The following ZNF536 variants were observed in gnomAD, a reference collection of about 807,000 sequenced individuals.
ZNF536 encodes zinc finger protein 536.
Under a neutral mutation model 84.5 loss-of-function variants are expected in ZNF536, and 13 were observed. The ratio of observed to expected loss-of-function variants is 0.15; its 90% CI spans 0.10 to 0.24. The LOEUF is 0.24. Ranked by LOEUF, ZNF536 falls within the 10% of genes least tolerant of loss-of-function variation. The pLI is 1.00. For missense variants in ZNF536, 1,536 were observed against 1,747.5 expected, an observed-to-expected ratio of 0.88 and a Z score of 2.16; for synonymous variants, 811 against 742.5, an observed-to-expected ratio of 1.09 and a Z score of -1.50.
chr19:30,685,688 T>C (rs541217919), intron 1 of ZNF536, among the ~76,000 whole-genome samples: 4 of 152,238 alleles, frequency 2.6e-5, no homozygotes, highest in East Asian at 1.9e-4. Context: ...TCTGTCACTA[T>C]AGTACTGTAT....
At chr19:30,385,060 T>C (rs2049282264) in intron 1 of ZNF536, among the ~76,000 whole-genome samples, 1 of 151,888 alleles carries the variant, frequency 6.6e-6, no homozygotes, top group Non-Finnish European at 1.5e-5. Flanking sequence ...CAGCTCCACC[T>C]CCCATTGGTT....
At chr19:30,594,227 A>G (rs906990897) in intron 1 of ZNF536, among the ~76,000 whole-genome samples, 4 of 152,222 alleles carry the variant, frequency 2.6e-5, no homozygotes, top group African/African-American at 9.6e-5. Flanking sequence ...CAGGAACAGG[A>G]AATGCCTATT....
intron 1 of ZNF536, among the ~76,000 whole-genome samples, chr19:30,694,848 G>A (rs1319438801): frequency 6.6e-6 from 1 of 152,120 alleles, no homozygotes; most frequent in Non-Finnish European, 1.5e-5. Flanking sequence ...AGGGTGGGCC[G>A]TGCCATCCCA....
intron 1 of ZNF536, among the ~76,000 whole-genome samples, chr19:30,380,618 A>G (rs899520841): frequency 6.6e-6 from 1 of 152,174 alleles, no homozygotes; most frequent in Non-Finnish European, 1.5e-5. Flanking sequence ...GTGGCATCAG[A>G]TGTGAGCCCT....
chr19:30,319,619 G>A (rs967452491), intron 2 of ZNF536, among the ~76,000 whole-genome samples: 2 of 152,148 alleles, frequency 1.3e-5, no homozygotes, highest in African/African-American at 4.8e-5. Flanking sequence ...AGTCCTAAGG[G>A]TTTTATCTAT....
At chr19:30,535,920 A>C (rs1301102215) in intron 3 of ZNF536, among the ~76,000 whole-genome samples, 5 of 152,110 alleles carry the variant, frequency 3.3e-5, no homozygotes, top group Non-Finnish European at 1.5e-5. Context: ...CGCGGGCTGC[A>C]TGGGCATCGC....
At position 30,347,616 on chromosome 19, in the gene ZNF536, G is replaced by A. The variant is rs556868957; in HGVS notation, c.-119-4752G>A. On this transcript the variant is annotated intron_variant, in intron 2 of 5. Coordinates refer to the ZNF536 transcript ENST00000585628. ...GGAGCCTACTGGGCTCTGGTCCAGGGTCTGTGCTCTCAGCCACTGCGGCCC... is the reference window on the plus strand; with the variant it reads ...GGAGCCTACTGGGCTCTGGTCCAGGATCTGTGCTCTCAGCCACTGCGGCCC... Among the ~76,000 whole-genome samples, 185 of 152,312 alleles carry A rather than the reference G, an allele frequency of 1.2e-3. 1 individual carries two copies. Among genetic ancestry groups the A allele is most frequent in the Non-Finnish European group, 1.7e-3 (116 of 68,034 alleles).
intron 1 of ZNF536, among the ~76,000 whole-genome samples, chr19:30,383,733 TTCTTTCTTTC>T (rs879564863): frequency 0.21 from 4,300 of 20,016 alleles, 371 homozygotes; most frequent in Non-Finnish European, 0.27. Flanking sequence ...CTTTCTTTCT[TTCTTTCTTTC>T]TCTTTCTTTC....
chr19:30,587,617 G>A (rs1439300227), intron 1 of ZNF536, among the ~76,000 whole-genome samples: 3 of 152,214 alleles, frequency 2.0e-5, no homozygotes, highest in Admixed American at 1.3e-4. Flanking sequence ...TTCATTGTCA[G>A]TCGAACTATT....
chr19:30,659,003 A>G (rs985270427), intron 1 of ZNF536, among the ~76,000 whole-genome samples: 1 of 152,190 alleles, frequency 6.6e-6, no homozygotes, highest in Non-Finnish European at 1.5e-5. Context: ...AGGTGGGTCC[A>G]TTAGGGATGT....
intron 2 of ZNF536, among the ~76,000 whole-genome samples, chr19:30,286,730 GA>G (rs1160700955): frequency 1.3e-5 from 2 of 152,134 alleles, no homozygotes; most frequent in African/African-American, 4.8e-5. Flanking sequence ...AATTTATATT[GA>G]AATACTTGAA....
At chr19:30,322,368 A>G (rs1257743954) in intron 2 of ZNF536, among the ~76,000 whole-genome samples, 1 of 152,100 alleles carries the variant, frequency 6.6e-6, no homozygotes, top group Admixed American at 6.5e-5. Flanking sequence ...ATTTTGGGTG[A>G]TTTCCTTAAG....
chr19:30,648,837 T>C (rs527556246), intron 1 of ZNF536, among the ~76,000 whole-genome samples: 1 of 152,386 alleles, frequency 6.6e-6, no homozygotes, highest in East Asian at 1.9e-4. Flanking sequence ...ACTGGTTCTT[T>C]TAGTTCACAT....
intron 2 of ZNF536, among the ~76,000 whole-genome samples, chr19:30,465,846 G>T (rs1447687753): frequency 6.6e-6 from 1 of 152,050 alleles, no homozygotes; most frequent in Non-Finnish European, 1.5e-5. Flanking sequence ...CACCTCCCAG[G>T]TTCATGCCAT....
intron 1 of ZNF536, among the ~76,000 whole-genome samples, chr19:30,417,021 T>G (rs2050758877): frequency 6.6e-6 from 1 of 152,116 alleles, no homozygotes; most frequent in South Asian, 2.1e-4. Flanking sequence ...TCATCCAGAC[T>G]GGAGTGCAGT....
intron 3 of ZNF536, among the ~76,000 whole-genome samples, chr19:30,357,499 C>A (rs2048134631): frequency 6.6e-6 from 1 of 151,940 alleles, no homozygotes; most frequent in South Asian, 2.1e-4. Context: ...CTTGAGAAAC[C>A]CTTTTCGGGT....
At chr19:30,378,796 A>G (rs2048911003) in intron 1 of ZNF536, among the ~76,000 whole-genome samples, 1 of 152,202 alleles carries the variant, frequency 6.6e-6, no homozygotes, top group Non-Finnish European at 1.5e-5. Flanking sequence ...GCCCCTTAAC[A>G]AGGTGGGAGA....
intron 2 of ZNF536, among the ~76,000 whole-genome samples, chr19:30,522,275 A>ACATGTATATATATATATATATATATGTG: frequency 7.7e-6 from 1 of 129,678 alleles, no homozygotes; most frequent in African/African-American, 3.3e-5. Context: ...ATATATATAC[A>ACATGTATATATATATATATATATATGTG]TATATATAAT....
chr19:30,277,651 G>T (rs2045284998), intron 1 of ZNF536, among the ~76,000 whole-genome samples: 1 of 152,234 alleles, frequency 6.6e-6, no homozygotes, highest in Admixed American at 6.5e-5. Flanking sequence ...GCTCACACGT[G>T]CACACATACA....
Sources: allele counts gnomAD v4.1 joint callset (sites outside exome capture counted in the v4.1 genomes callset), GRCh38; gene constraint gnomAD v4.1.1; transcripts MANE v1.5; gene names NCBI Gene and HGNC (gene_info 2026-07-23, HGNC 2026-07-21).